The following ADAM32 variants were observed in gnomAD, a reference collection of about 807,000 sequenced individuals.
ADAM32 encodes ADAM metallopeptidase domain 32, also known as disintegrin and metalloproteinase domain-containing protein 32.
ADAM32 carries 89 observed loss-of-function variants against 114.9 expected under a neutral mutation model. That is an observed-to-expected ratio of 0.77 (90% CI 0.65 to 0.92). ADAM32 has a LOEUF of 0.92. Ranked by LOEUF, ADAM32 falls within the 40% of genes least tolerant of loss-of-function variation. ADAM32 has a pLI of 0.00. For missense variants in ADAM32, 870 were observed against 932.8 expected (o/e 0.93, Z 0.88); for synonymous variants, 285 against 307.5 (o/e 0.93, Z 0.77).
At chr8:39,276,299 A>G (rs1813067323) in intron 22 of ADAM32, 1 of 93,300 alleles carries the variant, frequency 1.1e-5, no homozygotes, top group South Asian at 3.5e-4. Flanking sequence ...AATTTGTTGA[A>G]AAAAAAAAAA....
chr8:39,143,481 G>T (rs2129445254), intron 3 of ADAM32, among the ~76,000 whole-genome samples: 1 of 152,258 alleles, frequency 6.6e-6, no homozygotes, highest in South Asian at 2.1e-4. Context: ...CTGCAGGTCT[G>T]TTGGAGTTTG....
intron 13 of ADAM32, among the ~76,000 whole-genome samples, chr8:39,222,014 A>G (rs1809006040): frequency 6.6e-6 from 1 of 152,020 alleles, no homozygotes; most frequent in Non-Finnish European, 1.5e-5. Context: ...ATATTATTGT[A>G]AATAAAAACG....
intron 20 of ADAM32, among the ~76,000 whole-genome samples, chr8:39,272,007 C>T (rs943778798): frequency 6.7e-6 from 1 of 149,532 alleles, no homozygotes; most frequent in Non-Finnish European, 1.5e-5. Context: ...TGGCATGAGC[C>T]TGTGGTCTCA....
Position 39,165,128 on chromosome 8 carries a change from G to A in ADAM32, c.765G>A (p.Leu255=). 2 of 1,606,676 alleles carry A rather than the reference G, an allele frequency of 1.2e-6. No homozygotes were observed. The highest frequency in any genetic ancestry group is 1.7e-6 in the Non-Finnish European group (2 of 1,174,724). The change falls in exon 9 of 25, where the codon TTG becomes TTA. Residue 255 remains leucine (L), a synonymous_variant. Coordinates refer to ENST00000379907, the MANE Select transcript of ADAM32 (RefSeq NM_145004.7). ...CAGTTGGTGAGGCAGATGAATTATT[G>A]CAAAAATTTTTAGAATGGAAACAAT... ...ISTVGEADEL[L]QKFLEWKQSY...
chr8:39,228,640 G>T (rs527820579), intron 14 of ADAM32, among the ~76,000 whole-genome samples: 6 of 152,256 alleles, frequency 3.9e-5, no homozygotes, highest in Non-Finnish European at 8.8e-5. Context: ...AAGGGAAAAA[G>T]AATAAGAAAA....
intron 17 of ADAM32, among the ~76,000 whole-genome samples, chr8:39,253,357 T>C (rs1345631982): frequency 6.6e-6 from 1 of 151,580 alleles, no homozygotes; most frequent in Non-Finnish European, 1.5e-5. Flanking sequence ...TACTTTAAGA[T>C]CTATAACAAT....
intron 19 of ADAM32, among the ~76,000 whole-genome samples, chr8:39,267,406 G>A (rs1812435726): frequency 6.6e-6 from 1 of 152,230 alleles, no homozygotes; most frequent in South Asian, 2.1e-4. Context: ...GCTTTTGTGT[G>A]TGTCAATAGT....
chr8:39,212,073 A>G (rs933441731), intron 12 of ADAM32, among the ~76,000 whole-genome samples: 16 of 151,932 alleles, frequency 1.1e-4, no homozygotes, highest in Non-Finnish European at 2.1e-4. Context: ...CTGGAGTGCA[A>G]TGGAGCAATC....
intron 4 of ADAM32, among the ~76,000 whole-genome samples, chr8:39,148,757 C>T (rs1274035177): frequency 2.6e-5 from 4 of 152,088 alleles, no homozygotes; most frequent in Non-Finnish European, 4.4e-5. Context: ...CTCCCTTTTC[C>T]TTCCCTTAGT....
chr8:39,231,308 A>G (rs1007925501), intron 14 of ADAM32, among the ~76,000 whole-genome samples: 1 of 152,130 alleles, frequency 6.6e-6, no homozygotes, highest in African/African-American at 2.4e-5. Flanking sequence ...GCCAAGAGCA[A>G]TCCCTAGCAG....
intron 14 of ADAM32, among the ~76,000 whole-genome samples, chr8:39,226,887 G>A (rs1809408706): frequency 6.6e-6 from 1 of 152,162 alleles, no homozygotes; most frequent in African/African-American, 2.4e-5. Flanking sequence ...TACCGAAATG[G>A]CGATGTGTCT....
chr8:39,247,212 A>G (rs1302382685), intron 17 of ADAM32, among the ~76,000 whole-genome samples: 1 of 152,162 alleles, frequency 6.6e-6, no homozygotes, highest in East Asian at 1.9e-4. Flanking sequence ...TTTTGAGTAA[A>G]TACCAAGCAT....
intron 11 of ADAM32, among the ~76,000 whole-genome samples, chr8:39,201,256 G>A (rs1276290299): frequency 6.6e-6 from 1 of 152,154 alleles, no homozygotes; most frequent in Non-Finnish European, 1.5e-5. Context: ...CTACCCATGA[G>A]CATGGAATGT....
At chr8:39,148,733 A>G (rs1031224761) in intron 4 of ADAM32, among the ~76,000 whole-genome samples, 2 of 152,180 alleles carry the variant, frequency 1.3e-5, no homozygotes, top group South Asian at 4.1e-4. Flanking sequence ...TGGGATCATC[A>G]TTTTGCTTTA....
At chr8:39,265,073 G>A (rs1466347775) in intron 19 of ADAM32, among the ~76,000 whole-genome samples, 1 of 152,126 alleles carries the variant, frequency 6.6e-6, no homozygotes, top group Non-Finnish European at 1.5e-5. Context: ...AACACTTTCA[G>A]GGGGTGTTGA....
intron 11 of ADAM32, among the ~76,000 whole-genome samples, chr8:39,191,365 A>G (rs545905485): frequency 6.6e-6 from 1 of 152,308 alleles, no homozygotes; most frequent in South Asian, 2.1e-4. Flanking sequence ...TTACACTCCC[A>G]CCAACAGTGT....
chr8:39,127,073 G>A (rs958214424), intron 2 of ADAM32, among the ~76,000 whole-genome samples: 2 of 152,172 alleles, frequency 1.3e-5, no homozygotes, highest in Non-Finnish European at 2.9e-5. Flanking sequence ...CAGTTTGCCA[G>A]TATTTTATTC....
At chr8:39,115,545 T>G (rs1236607430) in intron 1 of ADAM32, among the ~76,000 whole-genome samples, 2 of 152,170 alleles carry the variant, frequency 1.3e-5, no homozygotes, top group Non-Finnish European at 2.9e-5. Context: ...CATGTATGTT[T>G]TATTTTGAGA....
intron 12 of ADAM32, among the ~76,000 whole-genome samples, chr8:39,212,923 T>A (rs1031871571): frequency 2.6e-5 from 4 of 152,188 alleles, no homozygotes; most frequent in Non-Finnish European, 5.9e-5. Context: ...ATCCACTTCT[T>A]AAATTTTAGC....
Sources: allele counts gnomAD v4.1 joint callset (sites outside exome capture counted in the v4.1 genomes callset), GRCh38; gene constraint gnomAD v4.1.1; transcripts MANE v1.5; gene names NCBI Gene and HGNC (gene_info 2026-07-23, HGNC 2026-07-21).